The following CELF4 variants were observed in gnomAD, a reference collection of about 807,000 sequenced individuals.
CELF4 encodes CUGBP Elav-like family member 4.
CELF4 carries 18 observed loss-of-function variants against 59.9 expected under a neutral mutation model. The ratio of observed to expected loss-of-function variants is 0.30; its 90% CI spans 0.21 to 0.45. The LOEUF (loss-of-function observed/expected upper bound fraction) is 0.45, where lower values mean the gene tolerates loss of function less well. CELF4 is among the 20% of genes least tolerant of loss of function. CELF4 has a pLI of 1.00. For synonymous variants in CELF4, 261 were observed against 267.1 expected, an observed-to-expected ratio of 0.98 and a Z score of 0.22; for missense variants, 456 against 689.0, an observed-to-expected ratio of 0.66 and a Z score of 3.79.
intron 2 of CELF4, among the ~76,000 whole-genome samples, chr18:37,403,756 G>A (rs766186159): frequency 2.0e-5 from 3 of 152,286 alleles, no homozygotes; most frequent in African/African-American, 4.8e-5. Context: ...TTTACATAGC[G>A]CACATGAAAT....
At chr18:37,495,914 A>G (rs2099924685) in intron 1 of CELF4, among the ~76,000 whole-genome samples, 1 of 152,076 alleles carries the variant, frequency 6.6e-6, no homozygotes, top group Non-Finnish European at 1.5e-5. Flanking sequence ...ATGAAAGGAG[A>G]ATAGATCATA....
chr18:37,491,173 T>C (rs7232046), intron 1 of CELF4, among the ~76,000 whole-genome samples: 25,065 of 87,300 alleles, frequency 0.29, 4,532 homozygotes, highest in Non-Finnish European at 0.4. Context: ...CCGAGAGGGA[T>C]GCCGTGCCCA....
intron 2 of CELF4, among the ~76,000 whole-genome samples, chr18:37,455,807 G>A (rs1055671241): frequency 3.9e-5 from 6 of 152,132 alleles, no homozygotes; most frequent in Non-Finnish European, 7.3e-5. Context: ...TTGGGCCCCC[G>A]GGCTCTCCCA....
At position 37,540,408 on chromosome 18, in the gene CELF4, C is replaced by T. The variant is rs148339421; in HGVS notation, c.286+24948G>A. On this transcript the variant is annotated intron_variant, in intron 1 of 12. Transcript: ENST00000420428. ...ACAGGGAAAACGGGCCAGCGGTCTG[C>T]CTCAGGCATTTGGTCATGGCTCTGG... Among the ~76,000 whole-genome samples, 362 of 148,988 alleles carry T rather than the reference C, an allele frequency of 2.4e-3. 1 individual carries two copies. The highest frequency in any genetic ancestry group is 8.6e-3 in the African/African-American group (344 of 40,182).
At chr18:37,380,223 C>T (rs376304970) in intron 2 of CELF4, among the ~76,000 whole-genome samples, 23 of 152,176 alleles carry the variant, frequency 1.5e-4, no homozygotes, top group African/African-American at 5.6e-4. Context: ...CCATCCCTCC[C>T]ACTTCTTGAC....
intron 2 of CELF4, among the ~76,000 whole-genome samples, chr18:37,388,588 T>A (rs1043252379): frequency 6.6e-6 from 1 of 152,116 alleles, no homozygotes; most frequent in African/African-American, 2.4e-5. Flanking sequence ...CGGTTACTAA[T>A]GAGCTCAAGA....
intron 1 of CELF4, among the ~76,000 whole-genome samples, chr18:37,531,310 A>G (rs75373583): frequency 0.045 from 6,908 of 151,966 alleles, 499 homozygotes; most frequent in African/African-American, 0.15. Flanking sequence ...GCAGCCCCCC[A>G]AGGTCCCTTG....
chr18:37,550,952 A>T (rs2099983019), intron 1 of CELF4, among the ~76,000 whole-genome samples: 1 of 152,188 alleles, frequency 6.6e-6, no homozygotes, highest in Non-Finnish European at 1.5e-5. Context: ...GATTTGTCAG[A>T]CCAACAAGGG....
chr18:37,382,823 G>A (rs1011025667), intron 2 of CELF4, among the ~76,000 whole-genome samples: 22 of 152,050 alleles, frequency 1.4e-4, no homozygotes, highest in Admixed American at 1.4e-3. Flanking sequence ...TTAACTGCCA[G>A]TTTACAAACA....
At chr18:37,372,634 TAAAA>T (rs947485043) in intron 2 of CELF4, among the ~76,000 whole-genome samples, 1 of 151,802 alleles carries the variant, frequency 6.6e-6, no homozygotes, top group Admixed American at 6.6e-5. Context: ...AGTATAATAA[TAAAA>T]AAACAAGAAA....
chr18:37,307,386 G>A (rs901947990), intron 3 of CELF4, among the ~76,000 whole-genome samples: 5 of 152,114 alleles, frequency 3.3e-5, no homozygotes, highest in Admixed American at 6.5e-5. Flanking sequence ...GCAACTCTCC[G>A]ATCCAAATTA....
chr18:37,253,328 C>T lies in CELF4; in HGVS notation c.*44+439G>A, dbSNP rs1047374850. On this transcript the variant is annotated intron_variant, in intron 12 of 12. Transcript: ENST00000420428. The surrounding 1 kb of genome is among the most constrained non-coding windows in gnomAD (Gnocchi z 4.5). ...AAGTGTCTAAAGGCTACCAGCCCTC[C>T]TGGAAGAACTGGGGAGGAGAGAGCC... Among the ~76,000 whole-genome samples, 1 of 152,206 alleles carries T rather than the reference C, an allele frequency of 6.6e-6. No individual in the cohort carries two copies. The highest frequency in any genetic ancestry group is 1.5e-5 in the Non-Finnish European group (1 of 68,034).
At chr18:37,345,325 G>A (rs1033780788) in intron 2 of CELF4, among the ~76,000 whole-genome samples, 1 of 152,208 alleles carries the variant, frequency 6.6e-6, no homozygotes, top group Non-Finnish European at 1.5e-5. Flanking sequence ...GCATCATAAG[G>A]TGGAGGAGTG....
rs1361862502 is a variant in CELF4, at chr18:37,253,557, C to T, written c.*44+210G>A. Among the ~76,000 whole-genome samples, 1 of 152,206 alleles carries T rather than the reference C, an allele frequency of 6.6e-6. No individual in the cohort carries two copies. Among genetic ancestry groups the T allele is most frequent in the Non-Finnish European group, 1.5e-5 (1 of 68,022 alleles). Reference sequence around the variant, plus strand: ...GCTCCCTCACTCCTGCCCCTGGTGGCCCTGCCACAGGGAAATGGCCAGGCC... The same window carrying T: ...GCTCCCTCACTCCTGCCCCTGGTGGTCCTGCCACAGGGAAATGGCCAGGCC... On this transcript the variant is annotated intron_variant, in intron 12 of 12. Coordinates refer to ENST00000420428, the MANE Select transcript of CELF4 (RefSeq NM_020180.4). The surrounding 1 kb of genome is among the most constrained non-coding windows in gnomAD (Gnocchi z 4.5).
At chr18:37,552,462 G>T (rs1284722558) in intron 1 of CELF4, among the ~76,000 whole-genome samples, 1 of 152,220 alleles carries the variant, frequency 6.6e-6, no homozygotes, top group African/African-American at 2.4e-5. Context: ...CATCCCAGAA[G>T]TCAACGGCAG....
chr18:37,370,306 T>C (rs1177207357), intron 2 of CELF4, among the ~76,000 whole-genome samples: 2 of 152,296 alleles, frequency 1.3e-5, no homozygotes, highest in African/African-American at 4.8e-5. Context: ...ACGTTACTCA[T>C]AGATCCATTC....
In CELF4 at chr18:37,565,741, G is replaced by A; in HGVS notation, c.-100C>T. On this transcript the variant is annotated 5_prime_UTR_variant, in exon 1 of 13. Coordinates refer to ENST00000420428, the MANE Select transcript of CELF4 (RefSeq NM_020180.4). Reference sequence around the variant, plus strand: ...CACACGCACACGCATACACACACTCGGGTTCTCTCCCCCTCGGTTTCTCTA... The same window carrying A: ...CACACGCACACGCATACACACACTCAGGTTCTCTCCCCCTCGGTTTCTCTA... The A allele has an allele frequency of 1.0e-6, 1 of 966,698 alleles. No homozygotes were observed. The highest frequency in any genetic ancestry group is 1.4e-6 in the Non-Finnish European group (1 of 693,260). The allele number at this position is 966,698 out of a possible 1,614,324, so 59.9% of individuals were successfully genotyped here.
intron 1 of CELF4, among the ~76,000 whole-genome samples, chr18:37,544,570 G>A (rs1329537824): frequency 6.6e-6 from 1 of 152,148 alleles, no homozygotes; most frequent in Admixed American, 6.5e-5. Flanking sequence ...GGAGTTGGCT[G>A]GCCTGTATGT....
chr18:37,380,919 T>G (rs2099032238), intron 2 of CELF4, among the ~76,000 whole-genome samples: 2 of 151,684 alleles, frequency 1.3e-5, no homozygotes, highest in African/African-American at 4.9e-5. Flanking sequence ...CACCTATTCC[T>G]CCATTCATCC....
Sources: gnomAD v4.1 joint callset for allele counts (sites outside exome capture counted in the v4.1 genomes callset) on GRCh38, gnomAD v4.1.1 for gene constraint, Gnocchi (gnomAD v3.1) non-coding constraint, MANE v1.5 for transcripts, NCBI Gene and HGNC (gene_info 2026-07-23, HGNC 2026-07-21) for gene names.